The following LSAMP variants were observed in gnomAD, a reference collection of about 807,000 sequenced individuals.
LSAMP encodes the protein limbic system-associated membrane protein.
Under a neutral mutation model 38.6 loss-of-function variants are expected in LSAMP, and 7 were observed. The observed-to-expected ratio is 0.18, with a 90% CI of 0.10 to 0.34. The LOEUF is 0.34. Among genes scored for constraint, LSAMP ranks in the 10% least tolerant of loss-of-function variants. The pLI is 1.00. For synonymous variants in LSAMP, 154 were observed against 166.8 expected (o/e 0.92, Z 0.59); for missense variants, 313 against 420.0 (o/e 0.75, Z 2.23).
chr3:116,024,994 CT>C (rs1940745480), intron 2 of LSAMP, among the ~76,000 whole-genome samples: 2 of 151,796 alleles, frequency 1.3e-5, no homozygotes, highest in African/African-American at 4.8e-5. Context: ...GGTATTTTTT[CT>C]TTAGTTTAAT....
intron 1 of LSAMP, among the ~76,000 whole-genome samples, chr3:116,265,172 T>C (rs1283177285): frequency 1.3e-5 from 2 of 152,208 alleles, no homozygotes; most frequent in African/African-American, 4.8e-5. Flanking sequence ...AATATATTCT[T>C]CTTATGTCAC....
chr3:116,120,987 C>T (rs1226839312), intron 1 of LSAMP, among the ~76,000 whole-genome samples: 2 of 152,148 alleles, frequency 1.3e-5, no homozygotes, highest in African/African-American at 4.8e-5. Flanking sequence ...GGATGACAAA[C>T]TCTGTGAAAC....
chr3:115,887,424 A>T (rs1576186378), intron 3 of LSAMP, among the ~76,000 whole-genome samples: 1 of 152,060 alleles, frequency 6.6e-6, no homozygotes, highest in East Asian at 1.9e-4. Context: ...TATTAAGACC[A>T]CTACCTTGCT....
intron 3 of LSAMP, among the ~76,000 whole-genome samples, chr3:115,997,923 T>C (rs1246863924): frequency 6.8e-6 from 1 of 146,978 alleles, no homozygotes; most frequent in Non-Finnish European, 1.5e-5. Context: ...ATACATATAA[T>C]AGCTATACAT....
intron 6 of LSAMP, among the ~76,000 whole-genome samples, chr3:115,838,928 C>T (rs1934888194): frequency 6.6e-6 from 1 of 152,200 alleles, no homozygotes; most frequent in South Asian, 2.1e-4. Context: ...GGCTCTGGCT[C>T]TGGGTCTCTA....
intron 1 of LSAMP, among the ~76,000 whole-genome samples, chr3:116,267,811 G>A (rs1193685009): frequency 2.6e-5 from 4 of 152,100 alleles, no homozygotes; most frequent in African/African-American, 4.8e-5. Context: ...GGGAAGGAAT[G>A]TATTAATGGG....
At chr3:116,130,451 C>T (rs1391700578) in intron 1 of LSAMP, among the ~76,000 whole-genome samples, 2 of 152,188 alleles carry the variant, frequency 1.3e-5, no homozygotes, top group East Asian at 3.9e-4. Flanking sequence ...GCTCAGACAT[C>T]TAATACCTGA....
chr3:116,027,313 C>A (rs919641618), intron 2 of LSAMP, among the ~76,000 whole-genome samples: 3 of 152,284 alleles, frequency 2.0e-5, no homozygotes, highest in Non-Finnish European at 2.9e-5. Flanking sequence ...GAAAGAGTAA[C>A]CACCTAAAAG....
At chr3:115,882,801 T>G (rs1936354419) in intron 3 of LSAMP, among the ~76,000 whole-genome samples, 1 of 152,030 alleles carries the variant, frequency 6.6e-6, no homozygotes, top group African/African-American at 2.4e-5. Context: ...ATTTTTGGAC[T>G]CCTATACCTG....
chr3:115,878,481 T>G (rs1020036035), intron 3 of LSAMP, among the ~76,000 whole-genome samples: 5 of 76,900 alleles, frequency 6.5e-5, no homozygotes, highest in Admixed American at 2.9e-4. Flanking sequence ...TTTTTTTTTT[T>G]GACAGACTCT....
At chr3:116,286,637 C>T (rs1020846868) in intron 1 of LSAMP, among the ~76,000 whole-genome samples, 3 of 152,070 alleles carry the variant, frequency 2.0e-5, no homozygotes, top group Admixed American at 6.6e-5. Flanking sequence ...TATCTGACTA[C>T]GGCTCATTTA....
chr3:115,902,114 A>C (rs1009495471), intron 3 of LSAMP, among the ~76,000 whole-genome samples: 1 of 152,254 alleles, frequency 6.6e-6, no homozygotes, highest in South Asian at 2.1e-4. Flanking sequence ...AGCAGATGTT[A>C]GTGGATAATC....
At chr3:116,227,817 A>T (rs183458779) in intron 1 of LSAMP, among the ~76,000 whole-genome samples, 2 of 152,286 alleles carry the variant, frequency 1.3e-5, no homozygotes, top group Admixed American at 6.5e-5. Flanking sequence ...ACTTTTAACT[A>T]CATGATTTTG....
chr3:116,044,132 C>T (rs1941240108), intron 2 of LSAMP, among the ~76,000 whole-genome samples: 1 of 152,098 alleles, frequency 6.6e-6, no homozygotes, highest in African/African-American at 2.4e-5. Flanking sequence ...ATAGAAGGTA[C>T]TCAGGGAAAA....
rs1394894520 is a variant in LSAMP at position 116,152,024 on chromosome 3, C to T, written c.156-65468G>A. Among the ~76,000 whole-genome samples the T allele has an allele frequency of 3.9e-5, 6 of 152,054 alleles. No homozygotes were observed. The South Asian group carries it at 1.0e-3, about 26-fold the overall frequency. On this transcript the variant is annotated intron_variant, in intron 1 of 6. Coordinates refer to ENST00000490035, the MANE Select transcript of LSAMP (RefSeq NM_002338.5). Reference sequence around the variant, plus strand: ...TTTATCTGATCTATCTGGTCTTGACCTCAGGCCTACCTAACTTATTCCTTA... The same window carrying T: ...TTTATCTGATCTATCTGGTCTTGACTTCAGGCCTACCTAACTTATTCCTTA...
intron 1 of LSAMP, among the ~76,000 whole-genome samples, chr3:116,095,484 A>C (rs1440624261): frequency 2.0e-5 from 3 of 152,234 alleles, no homozygotes; most frequent in South Asian, 2.1e-4. Context: ...AGAAGAGTGG[A>C]TGGAAAAGAA....
At chr3:115,825,837 T>C (rs1576115459) in intron 6 of LSAMP, among the ~76,000 whole-genome samples, 2 of 152,356 alleles carry the variant, frequency 1.3e-5, no homozygotes, top group Non-Finnish European at 2.9e-5. Context: ...TGAAGTATTC[T>C]AGCTATTCTG....
rs189368303 is a variant in LSAMP at position 116,184,117 on chromosome 3, T to G, written c.156-97561A>C. On this transcript the variant is annotated intron_variant, in intron 1 of 6. Coordinates refer to ENST00000490035, the MANE Select transcript of LSAMP (RefSeq NM_002338.5). Reference sequence around the variant, plus strand: ...AGACTCATTAAAAGACCAGGTCACATGAAGGATTAGAAGGCTCTGAAATCA... The same window carrying G: ...AGACTCATTAAAAGACCAGGTCACAGGAAGGATTAGAAGGCTCTGAAATCA... 4.6e-5 allele frequency among the ~76,000 whole-genome samples: 7 copies of G among 151,990 alleles called. No homozygotes were observed. In the East Asian group the frequency reaches 1.4e-3, roughly 29 times the overall value.
At chr3:116,176,726 AAAAT>A (rs1710353642) in intron 1 of LSAMP, among the ~76,000 whole-genome samples, 1 of 152,166 alleles carries the variant, frequency 6.6e-6, no homozygotes, top group Non-Finnish European at 1.5e-5. Flanking sequence ...CTTACAGGAA[AAAAT>A]AAATCCTGGG....
Sources: allele counts gnomAD v4.1 joint callset (sites outside exome capture counted in the v4.1 genomes callset), GRCh38; gene constraint gnomAD v4.1.1; transcripts MANE v1.5; gene names NCBI Gene and HGNC (gene_info 2026-07-23, HGNC 2026-07-21).